PPP2R2C: variants seen among roughly 807,000 people sequenced by gnomAD.
PPP2R2C encodes protein phosphatase 2 regulatory subunit Bgamma.
PPP2R2C carries 10 observed loss-of-function variants against 45.3 expected under a neutral mutation model. That is an observed-to-expected ratio of 0.22 (90% CI 0.14 to 0.37). The LOEUF (loss-of-function observed/expected upper bound fraction) is 0.37, where lower values mean the gene tolerates loss of function less well. PPP2R2C is among the 10% of genes least tolerant of loss of function. The probability of loss-of-function intolerance (pLI) is 1.00; values close to 1 mark genes in which losing one functional copy is unlikely to be tolerated. For missense variants in PPP2R2C, 308 were observed against 619.7 expected, an observed-to-expected ratio of 0.50 and a Z score of 5.34; for synonymous variants, 257 against 245.4, an observed-to-expected ratio of 1.05 and a Z score of -0.44.
At position 6,364,503 on chromosome 4, in the gene PPP2R2C, T is replaced by C. The variant is rs373667534; in HGVS notation, c.625+8020A>G. The stretch of plus-strand genomic sequence containing the variant: ...TGTCGTTTTTTTTTTTCTCATGTTG[T>C]AGGAGAACAGACTGTAAGGAGACAC... On this transcript the variant is annotated intron_variant, in intron 5 of 8. Transcript: ENST00000382599. The surrounding 1 kb of genome is among the most constrained non-coding windows in gnomAD (Gnocchi z 5.3). Among the ~76,000 whole-genome samples the C allele has an allele frequency of 1.5e-4, 23 of 151,706 alleles. No individual in the cohort carries two copies. The highest frequency in any genetic ancestry group is 5.6e-4 in the African/African-American group (23 of 41,382).
chr4:6,355,518 T>TAA (rs569352630), intron 5 of PPP2R2C, among the ~76,000 whole-genome samples: 77 of 37,522 alleles, frequency 2.1e-3, no homozygotes, highest in African/African-American at 6.8e-3. Context: ...TAAAGTATAA[T>TAA]AAAAAAAAGA....
intron 1 of PPP2R2C, among the ~76,000 whole-genome samples, chr4:6,402,070 T>C (rs1717452821): frequency 6.6e-6 from 1 of 152,222 alleles, no homozygotes. Context: ...TCAACTACCT[T>C]CTGGGGCTTC....
At chr4:6,488,542 G>A (rs1157517687) in intron 2 of PPP2R2C, among the ~76,000 whole-genome samples, 1 of 152,096 alleles carries the variant, frequency 6.6e-6, no homozygotes, top group Non-Finnish European at 1.5e-5. Context: ...AAATTGGCCA[G>A]GCATGGTGGC....
intron 6 of PPP2R2C, among the ~76,000 whole-genome samples, chr4:6,343,820 A>C (rs1204445258): frequency 6.6e-6 from 1 of 152,272 alleles, no homozygotes; most frequent in Non-Finnish European, 1.5e-5. Flanking sequence ...CAGAAAAAGA[A>C]AGAAAAAGCT....
At chr4:6,346,388 C>T (rs1001435062) in intron 6 of PPP2R2C, among the ~76,000 whole-genome samples, 1 of 152,200 alleles carries the variant, frequency 6.6e-6, no homozygotes, top group African/African-American at 2.4e-5. Flanking sequence ...CCACCCACCC[C>T]CTCAGGGTGT....
intron 1 of PPP2R2C, among the ~76,000 whole-genome samples, chr4:6,435,791 G>C (rs1291302886): frequency 6.6e-6 from 1 of 152,150 alleles, no homozygotes; most frequent in East Asian, 1.9e-4. Flanking sequence ...CTCTCTAGTA[G>C]ACTGCTTTTT....
intron 1 of PPP2R2C, among the ~76,000 whole-genome samples, chr4:6,419,984 G>A (rs1718855230): frequency 6.6e-6 from 1 of 152,178 alleles, no homozygotes; most frequent in African/African-American, 2.4e-5. Context: ...TCCAAATAAG[G>A]TCACATTCTG....
At chr4:6,490,015 G>A (rs1409087297) in intron 2 of PPP2R2C, among the ~76,000 whole-genome samples, 1 of 152,176 alleles carries the variant, frequency 6.6e-6, no homozygotes, top group Non-Finnish European at 1.5e-5. Flanking sequence ...GTTTGGCCCA[G>A]GAGGAAAATG....
chr4:6,535,945 C>A (rs1276959303), intron 1 of PPP2R2C, among the ~76,000 whole-genome samples: 3 of 152,212 alleles, frequency 2.0e-5, no homozygotes, highest in Admixed American at 6.5e-5. Context: ...GACAACACCC[C>A]ACGCTGCAGT....
chr4:6,462,664 T>C (rs1037041755), intron 1 of PPP2R2C, among the ~76,000 whole-genome samples: 2 of 152,112 alleles, frequency 1.3e-5, no homozygotes, highest in Non-Finnish European at 2.9e-5. Flanking sequence ...GGGACGTTCA[T>C]AAAATGGACC....
intron 1 of PPP2R2C, among the ~76,000 whole-genome samples, chr4:6,446,643 G>A (rs948491724): frequency 3.9e-5 from 6 of 152,130 alleles, no homozygotes; most frequent in African/African-American, 1.4e-4. Context: ...CACGTCTGCA[G>A]GCCTCCGAGT....
At chr4:6,562,703 ATCCCCATT>A (rs1266160565) in intron 1 of PPP2R2C, among the ~76,000 whole-genome samples, 1 of 152,170 alleles carries the variant, frequency 6.6e-6, no homozygotes, top group Non-Finnish European at 1.5e-5. Context: ...AAGCAACGTC[ATCCCCATT>A]TCACAGAAGA....
chr4:6,341,542 C>G (rs1260002367), intron 6 of PPP2R2C, among the ~76,000 whole-genome samples: 1 of 152,000 alleles, frequency 6.6e-6, no homozygotes, highest in African/African-American at 2.4e-5. Context: ...GAACAATGAC[C>G]CCTAAAGGCG....
chr4:6,391,024 G>A (rs867977414), intron 1 of PPP2R2C, among the ~76,000 whole-genome samples: 1 of 152,164 alleles, frequency 6.6e-6, no homozygotes, highest in African/African-American at 2.4e-5. Context: ...AATGGGCCCT[G>A]AGCTGTGCTT....
chr4:6,484,301 G>A (rs1722463867), intron 2 of PPP2R2C, among the ~76,000 whole-genome samples: 1 of 151,880 alleles, frequency 6.6e-6, no homozygotes, highest in Admixed American at 6.6e-5. Context: ...ATATATGCAT[G>A]CATCTATTTC....
At chr4:6,495,438 C>T (rs1302837275) in intron 2 of PPP2R2C, among the ~76,000 whole-genome samples, 1 of 152,192 alleles carries the variant, frequency 6.6e-6, no homozygotes, top group Non-Finnish European at 1.5e-5. Flanking sequence ...CAGAGGGGCT[C>T]GCAACCTGGG....
intron 1 of PPP2R2C, among the ~76,000 whole-genome samples, chr4:6,542,709 A>AAAAAAAG (rs112182178): frequency 1.6e-5 from 2 of 127,834 alleles, no homozygotes; most frequent in Non-Finnish European, 3.2e-5. Flanking sequence ...TCTCAAAAAA[A>AAAAAAAG]AAAAAGAAAA....
intron 2 of PPP2R2C, among the ~76,000 whole-genome samples, chr4:6,528,151 C>A (rs985413803): frequency 9.9e-5 from 15 of 152,264 alleles, no homozygotes; most frequent in Non-Finnish European, 1.9e-4. Flanking sequence ...GCTGCCTGCC[C>A]TGTACCCTCG....
chr4:6,373,135 G>A (rs1407962651), intron 4 of PPP2R2C, among the ~76,000 whole-genome samples: 2 of 152,216 alleles, frequency 1.3e-5, no homozygotes, highest in Admixed American at 1.3e-4. Context: ...CCAATGGGAT[G>A]TGAGCAAAGT....
Sources: allele counts gnomAD v4.1 joint callset (sites outside exome capture counted in the v4.1 genomes callset), GRCh38; gene constraint gnomAD v4.1.1; non-coding constraint Gnocchi (gnomAD v3.1); transcripts MANE v1.5; gene names NCBI Gene and HGNC (gene_info 2026-07-23, HGNC 2026-07-21).